COL5A2: variants seen among roughly 807,000 people sequenced by gnomAD.
COL5A2 encodes collagen alpha-2(V) chain.
A neutral mutation model predicts 208.2 loss-of-function variants in COL5A2; 23 were observed. That is an observed-to-expected ratio of 0.11 (90% CI 0.08 to 0.16). The LOEUF (loss-of-function observed/expected upper bound fraction) is 0.16, where lower values mean the gene tolerates loss of function less well. Among genes scored for constraint, COL5A2 ranks in the 10% least tolerant of loss-of-function variants. The pLI, the probability that COL5A2 is intolerant of heterozygous loss-of-function variation, is 1.00. For synonymous variants in COL5A2, 625 were observed against 628.5 expected (o/e 0.99, Z 0.08); for missense variants, 1,590 against 1,956.4 (o/e 0.81, Z 3.53).
At chr2:189,354,521 C>A in the COL5A2 span, among the ~76,000 whole-genome samples, 1 of 152,146 alleles carries the variant, frequency 6.6e-6, no homozygotes, top group East Asian at 1.9e-4. Context: ...GTGTATGTGT[C>A]CAGGAATTTA....
chr2:189,280,487 A>C, the COL5A2 span, among the ~76,000 whole-genome samples: 1 of 152,120 alleles, frequency 6.6e-6, no homozygotes, highest in Non-Finnish European at 1.5e-5. Flanking sequence ...ACATTTTGCA[A>C]AATATGAAGG....
At chr2:189,104,195 C>T (rs2105699090) in intron 3 of COL5A2, 69 bp downstream of exon 3, 1 of 1,117,838 alleles carries the variant, frequency 8.9e-7, no homozygotes. Flanking sequence ...TTTCAGAGCA[C>T]AGTTCTGTGT....
the COL5A2 span, among the ~76,000 whole-genome samples, chr2:189,235,654 T>C: frequency 6.6e-6 from 1 of 151,856 alleles, no homozygotes; most frequent in Non-Finnish European, 1.5e-5. Flanking sequence ...ATTCCCATTT[T>C]TTGTAAAGTA....
At chr2:189,042,593 T>C in intron 49 of COL5A2, 127 bp downstream of exon 49, 5 of 832,118 alleles carry the variant, frequency 6.0e-6, no homozygotes, top group Non-Finnish European at 1.0e-5. Context: ...CATATGTGTG[T>C]TGCCAACCTC....
chr2:189,235,342 AAG>A, the COL5A2 span, among the ~76,000 whole-genome samples: 3 of 151,818 alleles, frequency 2.0e-5, no homozygotes, highest in African/African-American at 7.2e-5. Context: ...AAATATATGC[AAG>A]AGTCTTCATT....
At chr2:189,412,903 C>A in the COL5A2 span, among the ~76,000 whole-genome samples, 27 of 152,160 alleles carry the variant, frequency 1.8e-4, no homozygotes, top group Non-Finnish European at 2.9e-5. Flanking sequence ...GTAAAGAAAA[C>A]TTCCAAGTTC....
At chr2:189,353,695 G>A in the COL5A2 span, among the ~76,000 whole-genome samples, 13 of 152,130 alleles carry the variant, frequency 8.5e-5, no homozygotes, top group Admixed American at 8.5e-4. Context: ...TGGGCTGAGA[G>A]GATGGGGTTT....
the COL5A2 span, among the ~76,000 whole-genome samples, chr2:189,409,683 C>G: frequency 6.6e-6 from 1 of 152,016 alleles, no homozygotes; most frequent in Admixed American, 6.6e-5. Context: ...AATAAAAATA[C>G]AAGCTTTATA....
intron 1 of COL5A2, among the ~76,000 whole-genome samples, chr2:189,213,191 T>C (rs974203478): frequency 6.6e-6 from 1 of 151,866 alleles, no homozygotes; most frequent in African/African-American, 2.4e-5. Context: ...CGCCCTGCCT[T>C]AACACTATAT....
intron 14 of COL5A2, 88 bp downstream of exon 14, chr2:189,079,890 A>T: frequency 9.0e-7 from 1 of 1,105,196 alleles, no homozygotes. Context: ...TCTCCTGCTG[A>T]ATTAAGGTGG....
intron 53 of COL5A2, 53 bp from the exon 54 acceptor site, chr2:189,034,269 T>A: frequency 8.8e-6 from 14 of 1,597,940 alleles, no homozygotes; most frequent in Non-Finnish European, 1.1e-5. Context: ...TTTCCAAGTA[T>A]GTTAGACAGC....
the COL5A2 span, among the ~76,000 whole-genome samples, chr2:189,340,306 G>A: frequency 6.6e-6 from 1 of 152,200 alleles, no homozygotes; most frequent in African/African-American, 2.4e-5. Context: ...AAGGGAATTA[G>A]AGTCAAGACT....
chr2:189,419,519 C>T, the COL5A2 span, among the ~76,000 whole-genome samples: 1 of 151,998 alleles, frequency 6.6e-6, no homozygotes, highest in Admixed American at 6.6e-5. Flanking sequence ...AGGCCAAGTA[C>T]GGTGCTCACA....
At chr2:189,335,818 G>T in the COL5A2 span, among the ~76,000 whole-genome samples, 2 of 151,980 alleles carry the variant, frequency 1.3e-5, no homozygotes, top group South Asian at 2.1e-4. Flanking sequence ...TGATGAAAAT[G>T]TTTAGAATTA....
chr2:189,244,808 T>C, the COL5A2 span, among the ~76,000 whole-genome samples: 14 of 152,190 alleles, frequency 9.2e-5, no homozygotes, highest in Non-Finnish European at 2.1e-4. Flanking sequence ...TTTGCTGTAT[T>C]AGTCCATTTT....
intron 1 of COL5A2, among the ~76,000 whole-genome samples, chr2:189,119,833 G>A (rs940936559): frequency 1.6e-4 from 24 of 152,042 alleles, no homozygotes; most frequent in African/African-American, 3.9e-4. Flanking sequence ...ATAAAATTTA[G>A]TTTGGACAAA....
intron 1 of COL5A2, among the ~76,000 whole-genome samples, chr2:189,205,031 C>T (rs1010033992): frequency 3.9e-5 from 6 of 152,174 alleles, no homozygotes; most frequent in Non-Finnish European, 7.4e-5. Flanking sequence ...GTTATCCTAA[C>T]AACAGTGACA....
chr2:189,044,098 T>A (rs1685614762), intron 47 of COL5A2, among the ~76,000 whole-genome samples: 1 of 152,162 alleles, frequency 6.6e-6, no homozygotes, highest in Non-Finnish European at 1.5e-5. Context: ...CATAGAGTCA[T>A]CTACTATAGA....
rs1198149955 is a variant in COL5A2 at position 189,068,683 on chromosome 2, T to A, written c.1257+103A>T. 7.3e-6 allele frequency: 6 copies of A among 822,128 alleles called. No individual in the cohort carries two copies. The African/African-American group carries it at 8.5e-5, about 12-fold the overall frequency. The allele number at this position is 822,128 out of a possible 1,614,324, so 50.9% of individuals were successfully genotyped here. ...ACATTACAGGTACCCCCTAAATATG[T>A]ACAAATATTATGTATCAATTAAAAA... On this transcript the variant is annotated intron_variant, in intron 19 of 53. Transcript: ENST00000374866.
Sources: allele counts gnomAD v4.1 joint callset (sites outside exome capture counted in the v4.1 genomes callset), GRCh38; gene constraint gnomAD v4.1.1; transcripts MANE v1.5; gene names NCBI Gene and HGNC (gene_info 2026-07-23, HGNC 2026-07-21).